The following ANKFY1 variants were observed in gnomAD, a reference collection of about 807,000 sequenced individuals.
The protein encoded by ANKFY1 is ankyrin repeat and FYVE domain-containing protein 1.
Under a neutral mutation model 128.3 loss-of-function variants are expected in ANKFY1, and 47 were observed. That is an observed-to-expected ratio of 0.37 (90% CI 0.29 to 0.47). The LOEUF (loss-of-function observed/expected upper bound fraction) is 0.47, where lower values mean the gene tolerates loss of function less well. ANKFY1 is among the 20% of genes least tolerant of loss of function. The pLI is 1.00. For synonymous variants in ANKFY1, 553 were observed against 601.6 expected, an observed-to-expected ratio of 0.92 and a Z score of 1.18; for missense variants, 1,222 against 1,510.6, an observed-to-expected ratio of 0.81 and a Z score of 3.17.
intron 7 of ANKFY1, among the ~76,000 whole-genome samples, chr17:4,203,405 G>A (rs1390952366): frequency 6.6e-6 from 1 of 152,148 alleles, no homozygotes; most frequent in East Asian, 1.9e-4. Flanking sequence ...GCAGCTTCTT[G>A]ATGGTTTTAT....
chr17:4,169,598 G>C lies in ANKFY1; in HGVS notation c.3287-310C>G, dbSNP rs2059277622. On this transcript the variant is annotated intron_variant, in intron 23 of 24. Coordinates refer to ENST00000341657, the MANE Select transcript of ANKFY1 (RefSeq NM_001330063.2). The surrounding 1 kb of genome is among the most constrained non-coding windows in gnomAD (Gnocchi z 5.0). ...GAAGGCACGGTAGGGAGAGAACAGA[G>C]ACCACACAGCTAGACAAACTGGCCA... Among the ~76,000 whole-genome samples the C allele has an allele frequency of 6.6e-6, 1 of 152,180 alleles. No homozygotes were observed. The highest frequency in any genetic ancestry group is 1.5e-5 in the Non-Finnish European group (1 of 68,030).
chr17:4,256,365 C>T (rs375048196), intron 1 of ANKFY1, among the ~76,000 whole-genome samples: 4 of 152,066 alleles, frequency 2.6e-5, no homozygotes, highest in East Asian at 1.9e-4. Flanking sequence ...GAGGTGGAGC[C>T]TGCAGTGAGC....
chr17:4,253,972 ACAT>A (rs1967978415), intron 1 of ANKFY1, among the ~76,000 whole-genome samples: 1 of 152,254 alleles, frequency 6.6e-6, no homozygotes, highest in East Asian at 1.9e-4. Context: ...ATTGACCAAA[ACAT>A]CATTATGCAG....
intron 14 of ANKFY1, 42 bp from the exon 15 acceptor site, chr17:4,182,391 C>T: frequency 6.8e-7 from 1 of 1,476,564 alleles, no homozygotes; most frequent in South Asian, 1.5e-5. Flanking sequence ...TGTGGTTGAA[C>T]CCAAAGCACA....
chr17:4,181,389 G>A lies in ANKFY1; in HGVS notation c.2122-17C>T. The A allele has an allele frequency of 6.3e-7, 1 of 1,590,966 alleles. No individual in the cohort carries two copies. Among genetic ancestry groups the A allele is most frequent in the Non-Finnish European group, 8.6e-7 (1 of 1,159,050 alleles). On this transcript the variant is annotated splice_polypyrimidine_tract_variant and intron_variant, in intron 15 of 24. Coordinates refer to ENST00000341657, the MANE Select transcript of ANKFY1 (RefSeq NM_001330063.2). The surrounding 1 kb of genome is among the most constrained non-coding windows in gnomAD (Gnocchi z 4.9). ...ATGTCTGACCTGCAGAAAAACATAG[G>A]TTATTCACAAACACTGCTGAGCAAA...
At chr17:4,219,534 A>G (rs950007976) in intron 3 of ANKFY1, among the ~76,000 whole-genome samples, 3 of 152,128 alleles carry the variant, frequency 2.0e-5, no homozygotes, top group Admixed American at 6.6e-5. Flanking sequence ...AAGGACCAGG[A>G]ACACCTTATT....
chr17:4,247,615 G>A (rs190431426), intron 1 of ANKFY1, among the ~76,000 whole-genome samples: 30 of 152,280 alleles, frequency 2.0e-4, no homozygotes, highest in Non-Finnish European at 2.8e-4. Flanking sequence ...TTACCAGCCC[G>A]TGGGGAATAC....
At chr17:4,229,038 T>C (rs2060472116) in intron 3 of ANKFY1, among the ~76,000 whole-genome samples, 1 of 152,152 alleles carries the variant, frequency 6.6e-6, no homozygotes, top group African/African-American at 2.4e-5. Context: ...AATAGACTAT[T>C]TAGAAATTGA....
At chr17:4,206,624 A>C in intron 6 of ANKFY1, 138 bp from the exon 7 acceptor site, 1 of 702,420 alleles carries the variant, frequency 1.4e-6, no homozygotes, top group Non-Finnish European at 2.3e-6. Context: ...TACTCCCCAA[A>C]TTCAACTTTA....
chr17:4,189,320 C>A (rs781410730), intron 11 of ANKFY1, 62 bp downstream of exon 11: 2 of 1,397,844 alleles, frequency 1.4e-6, no homozygotes, highest in Non-Finnish European at 2.0e-6. Flanking sequence ...TCCTACATAT[C>A]CACCACTGCC....
chr17:4,231,540 A>C (rs560818140), intron 3 of ANKFY1, among the ~76,000 whole-genome samples: 2 of 152,214 alleles, frequency 1.3e-5, no homozygotes, highest in African/African-American at 2.4e-5. Flanking sequence ...TCAGTGGATC[A>C]TATCAGGTAC....
rs139184924 is a variant in ANKFY1 at position 4,193,327 on chromosome 17, C to T, written c.1372+1651G>A. Among the ~76,000 whole-genome samples, 128 of 151,930 alleles carry T rather than the reference C, an allele frequency of 8.4e-4. 1 individual carries two copies. The highest frequency in any genetic ancestry group is 2.9e-3 in the African/African-American group (120 of 41,406). On this transcript the variant is annotated intron_variant, in intron 10 of 24. Coordinates refer to ENST00000341657, the MANE Select transcript of ANKFY1 (RefSeq NM_001330063.2). Reference sequence around the variant, plus strand: ...CTGGAGTACAGTGGAGTGATCATAGCTCACTGCAGCCTCCAACTCCTGGCC... The same window carrying T: ...CTGGAGTACAGTGGAGTGATCATAGTTCACTGCAGCCTCCAACTCCTGGCC...
intron 2 of ANKFY1, among the ~76,000 whole-genome samples, chr17:4,241,549 T>TA (rs1163936491): frequency 6.6e-6 from 1 of 151,680 alleles, no homozygotes; most frequent in Non-Finnish European, 1.5e-5. Flanking sequence ...GCTGGGATTA[T>TA]AGGCATGAGC....
intron 2 of ANKFY1, among the ~76,000 whole-genome samples, chr17:4,237,931 T>C (rs1966990784): frequency 6.6e-6 from 1 of 152,080 alleles, no homozygotes; most frequent in Non-Finnish European, 1.5e-5. Flanking sequence ...GACACTTCAA[T>C]AGGAAAAACT....
At chr17:4,203,936 C>T (rs2059979897) in intron 7 of ANKFY1, among the ~76,000 whole-genome samples, 1 of 151,468 alleles carries the variant, frequency 6.6e-6, no homozygotes, top group South Asian at 2.1e-4. Context: ...AGTGAAGACT[C>T]ATCTTCTTGC....
intron 10 of ANKFY1, among the ~76,000 whole-genome samples, chr17:4,192,893 A>G (rs2143008793): frequency 1.3e-5 from 2 of 152,326 alleles, no homozygotes; most frequent in East Asian, 3.9e-4. Flanking sequence ...TTAAAAATTA[A>G]AAAAACTAGT....
At chr17:4,194,533 A>G (rs949949973) in intron 10 of ANKFY1, 2 of 144,390 alleles carry the variant, frequency 1.4e-5, no homozygotes, top group African/African-American at 5.7e-5. Flanking sequence ...CATTGCCAGT[A>G]CTCAATACTG....
intron 19 of ANKFY1, 59 bp from the exon 20 acceptor site, chr17:4,174,115 T>A: frequency 6.4e-7 from 1 of 1,573,156 alleles, no homozygotes; most frequent in African/African-American, 1.3e-5. Context: ...ATCCCCCTTA[T>A]GGGGGCCGAG....
intron 11 of ANKFY1, chr17:4,187,430 G>C (rs1258598399): frequency 1.3e-5 from 5 of 395,476 alleles, no homozygotes; most frequent in African/African-American, 2.1e-5. Context: ...CTCAGCTCCA[G>C]AAGAATCACA....
Sources: allele counts gnomAD v4.1 joint callset (sites outside exome capture counted in the v4.1 genomes callset), GRCh38; gene constraint gnomAD v4.1.1; non-coding constraint Gnocchi (gnomAD v3.1); transcripts MANE v1.5; gene names NCBI Gene and HGNC (gene_info 2026-07-23, HGNC 2026-07-21).